Variants in DMXL2 observed in about 807,000 individuals in gnomAD.
DMXL2 encodes dmX-like protein 2.
In DMXL2, 103 loss-of-function variants were observed where a neutral mutation model predicts 331.1. That is an observed-to-expected ratio of 0.31 (90% confidence interval 0.27 to 0.37). The LOEUF (loss-of-function observed/expected upper bound fraction) is 0.37, where lower values mean the gene tolerates loss of function less well. Ranked by LOEUF, DMXL2 falls within the 10% of genes least tolerant of loss-of-function variation. DMXL2 has a pLI of 1.00. For synonymous variants in DMXL2, 1,281 were observed against 1,252.1 expected (o/e 1.02, Z -0.49); for missense variants, 3,171 against 3,642.9 (o/e 0.87, Z 3.33).
Position 51,499,565 on chromosome 15 carries a change from C to T in DMXL2, c.3659G>A (p.Gly1220Asp). The T allele has an allele frequency of 6.2e-7, 1 of 1,614,114 alleles. No homozygotes were observed. Among genetic ancestry groups the T allele is most frequent in the Non-Finnish European group, 8.5e-7 (1 of 1,180,016 alleles). ...GVAVITLPLG[G>D]SIKQGVKSRW... ...TGACTTAACTCCTTGCTTGATACTA[C>T]CACCTAGTGGTAAAGTGATGACAGC... The change falls in exon 18 of 44, where the codon GGT (glycine) becomes GAT (aspartate). Residue 1220 changes from glycine (G) to aspartate (D), a missense_variant. By Grantham distance (94) the Gly-to-Asp change is moderately conservative. This residue lies in a region of DMXL2 where 1,674 missense variants were observed against 1,780.2 expected (regional missense o/e 0.94). Transcript: ENST00000560891.
intron 1 of DMXL2, among the ~76,000 whole-genome samples, chr15:51,605,320 C>T (rs531522328): frequency 4.6e-5 from 7 of 152,198 alleles, no homozygotes; most frequent in African/African-American, 1.7e-4. Context: ...AGTGCCTCAA[C>T]CTCCCAAGTG....
intron 13 of DMXL2, among the ~76,000 whole-genome samples, chr15:51,519,527 G>C (rs913318985): frequency 2.6e-5 from 4 of 151,308 alleles, no homozygotes; most frequent in Admixed American, 2.6e-4. Context: ...ATTTATACCA[G>C]AAATTGGACT....
At chr15:51,560,617 C>T (rs998558922) in intron 6 of DMXL2, among the ~76,000 whole-genome samples, 20 of 147,958 alleles carry the variant, frequency 1.4e-4, no homozygotes, top group African/African-American at 4.2e-4. Flanking sequence ...TGCAATGAGC[C>T]GTGACTGTGC....
At chr15:51,535,869 A>AT (rs561039588) in intron 12 of DMXL2, 85 bp from the exon 13 acceptor site, 99 of 1,436,458 alleles carry the variant, frequency 6.9e-5, no homozygotes, top group Admixed American at 2.0e-4. Flanking sequence ...AAGTATTCAC[A>AT]TTTTTTTTAG....
At chr15:51,547,995 A>G (rs543191315) in intron 6 of DMXL2, among the ~76,000 whole-genome samples, 15 of 152,248 alleles carry the variant, frequency 9.9e-5, no homozygotes, top group African/African-American at 3.1e-4. Flanking sequence ...CTTGGGCCAC[A>G]GTTCTCCGAT....
chr15:51,566,991 C>T (rs1388278340), intron 3 of DMXL2: 1 of 150,660 alleles, frequency 6.6e-6, no homozygotes, highest in Non-Finnish European at 1.5e-5. Flanking sequence ...TTTTAAACTC[C>T]TAACTTCTTC....
intron 17 of DMXL2, among the ~76,000 whole-genome samples, chr15:51,502,553 C>G (rs1037906113): frequency 1.3e-5 from 2 of 152,086 alleles, no homozygotes; most frequent in Admixed American, 1.3e-4. Context: ...GAACTACTGA[C>G]CTCAAGTGAT....
chr15:51,585,360 G>T (rs905789149), intron 1 of DMXL2, among the ~76,000 whole-genome samples: 2 of 150,976 alleles, frequency 1.3e-5, no homozygotes, highest in African/African-American at 4.9e-5. Context: ...TTTTGTCAAA[G>T]GCTTTTTCTG....
chr15:51,613,699 C>T (rs1384275343), intron 1 of DMXL2, among the ~76,000 whole-genome samples: 8 of 152,078 alleles, frequency 5.3e-5, no homozygotes, highest in Non-Finnish European at 8.8e-5. Flanking sequence ...TTTTTATTTG[C>T]TTTTTGCTTC....
At chr15:51,494,576 C>T (rs868702841) in intron 19 of DMXL2, among the ~76,000 whole-genome samples, 1 of 152,198 alleles carries the variant, frequency 6.6e-6, no homozygotes, top group South Asian at 2.1e-4. Flanking sequence ...CACAAATCCA[C>T]TGTTATCAAT....
intron 29 of DMXL2, among the ~76,000 whole-genome samples, chr15:51,468,321 A>C (rs752291688): frequency 1.1e-4 from 16 of 152,222 alleles, no homozygotes; most frequent in Admixed American, 2.0e-4. Flanking sequence ...ACTAGAAAGC[A>C]GGCAAACTCA....
chr15:51,557,364 T>C (rs143000622), intron 6 of DMXL2, among the ~76,000 whole-genome samples: 3 of 152,254 alleles, frequency 2.0e-5, no homozygotes, highest in Admixed American at 6.5e-5. Context: ...TATAAAACAT[T>C]ACTGAGGAAA....
At chr15:51,595,247 A>G (rs1281467338) in intron 1 of DMXL2, among the ~76,000 whole-genome samples, 1 of 152,248 alleles carries the variant, frequency 6.6e-6, no homozygotes, top group African/African-American at 2.4e-5. Context: ...ATCAATGTGC[A>G]AAAATCACAA....
chr15:51,599,008 A>G (rs2053036352), intron 1 of DMXL2, among the ~76,000 whole-genome samples: 1 of 152,232 alleles, frequency 6.6e-6, no homozygotes, highest in African/African-American at 2.4e-5. Flanking sequence ...CCCTCTGTAA[A>G]GAAGAGCGTT....
intron 28 of DMXL2, among the ~76,000 whole-genome samples, chr15:51,472,268 C>T (rs968563056): frequency 2.0e-5 from 3 of 152,150 alleles, no homozygotes; most frequent in African/African-American, 7.2e-5. Flanking sequence ...ATCAACAAAT[C>T]CATTGGCTCT....
At chr15:51,508,083 A>G (rs753627003) in intron 15 of DMXL2, among the ~76,000 whole-genome samples, 8 of 152,180 alleles carry the variant, frequency 5.3e-5, no homozygotes, top group Non-Finnish European at 8.8e-5. Flanking sequence ...TAGAAGAAAC[A>G]GTCTGGCACC....
chr15:51,491,795 G>A, intron 19 of DMXL2, 48 bp from the exon 20 acceptor site: 1 of 1,498,562 alleles, frequency 6.7e-7, no homozygotes, highest in Non-Finnish European at 9.0e-7. Context: ...TATCAAATAA[G>A]AAGAAAAACA....
chr15:51,568,207 T>G (rs2050421236), intron 3 of DMXL2: 2 of 286,926 alleles, frequency 7.0e-6, no homozygotes, highest in Admixed American at 5.4e-5. Context: ...CAGATAGATA[T>G]TAGTAATCCA....
At chr15:51,540,464 C>T (rs77690500) in intron 9 of DMXL2, among the ~76,000 whole-genome samples, 4,730 of 152,078 alleles carry the variant, frequency 0.031, 218 homozygotes, top group African/African-American at 0.11. Context: ...AACAACTTTA[C>T]TTTCAAATGG....
Sources: allele counts gnomAD v4.1 joint callset (sites outside exome capture counted in the v4.1 genomes callset), GRCh38; gene constraint gnomAD v4.1.1; regional missense constraint gnomAD v4.1.1; transcripts MANE v1.5; gene names NCBI Gene and HGNC (gene_info 2026-07-23, HGNC 2026-07-21).